CYP27C1: variants seen among roughly 807,000 people sequenced by gnomAD.
The protein encoded by CYP27C1 is cytochrome P450 family 27 subfamily C member 1, also known as cytochrome P450 27C1.
Under a neutral mutation model 40.6 loss-of-function variants are expected in CYP27C1, and 29 were observed. The ratio of observed to expected loss-of-function variants is 0.71; its 90% CI spans 0.53 to 0.97. The LOEUF (loss-of-function observed/expected upper bound fraction) is 0.97, where lower values mean the gene tolerates loss of function less well. CYP27C1 is among the 50% of genes least tolerant of loss of function. The pLI is 0.00. For missense variants in CYP27C1, 390 were observed against 485.8 expected (o/e 0.80, Z 1.85); for synonymous variants, 198 against 186.8 (o/e 1.06, Z -0.49).
intron 8 of CYP27C1, among the ~76,000 whole-genome samples, chr2:127,190,962 T>C (rs1225174637): frequency 1.5e-5 from 2 of 133,590 alleles, no homozygotes; most frequent in Non-Finnish European, 3.1e-5. Context: ...AAAAAAATCA[T>C]GGGCCAGGCA....
At chr2:127,193,664 T>C (rs775973889) in intron 7 of CYP27C1, 125 bp downstream of exon 7, 37 of 1,032,618 alleles carry the variant, frequency 3.6e-5, no homozygotes, top group Non-Finnish European at 5.2e-5. Context: ...CATCTTAAAA[T>C]ACATGCAAAA....
rs151129498 is a variant in CYP27C1, at chr2:127,200,981, A to G, written c.883+141T>C. ...CCGTCTCAAAAAAAAAAAAAATCCA[A>G]AAGTTATGGGTCCAAAAACTAACAC... On this transcript the variant is annotated intron_variant, in intron 4 of 8. Transcript: ENST00000664447. The surrounding 1 kb of genome is among the most constrained non-coding windows in gnomAD (Gnocchi z 4.2). 3.7e-4 allele frequency: 334 copies of G among 896,158 alleles called. 1 individual carries two copies. The African/African-American group carries it at 5.0e-3, about 13-fold the overall frequency. 55.5% of individuals were successfully genotyped at this position (896,158 alleles called of 1,614,324 possible).
Position 127,219,256 on chromosome 2 carries a change from C to T in CYP27C1, c.282+733G>A, listed in dbSNP as rs1002600016. The stretch of plus-strand genomic sequence containing the variant: ...CGGGCCGGCCCCAGGCAGCAGCCCC[C>T]CTCAGCCCCAACTCCGCGGGTCCCG... On this transcript the variant is annotated intron_variant, in intron 1 of 8. Coordinates refer to ENST00000664447, the MANE Select transcript of CYP27C1 (RefSeq NM_001367502.1). The surrounding 1 kb of genome is among the most constrained non-coding windows in gnomAD (Gnocchi z 8.7). Among the ~76,000 whole-genome samples the T allele has an allele frequency of 2.0e-5, 3 of 152,262 alleles. No homozygotes were observed. Among genetic ancestry groups the T allele is most frequent in the South Asian group, 4.1e-4 (2 of 4,822 alleles).
rs938721498 is a variant in CYP27C1 at position 127,185,681 on chromosome 2, G to A, written c.*1590C>T. 2 of 152,088 alleles carry A rather than the reference G, an allele frequency of 1.3e-5. No homozygotes were observed. The highest frequency in any genetic ancestry group is 2.9e-5 in the Non-Finnish European group (2 of 68,024). The allele number at this position is 152,088 out of a possible 1,614,324, so 9.4% of individuals were successfully genotyped here. The stretch of plus-strand genomic sequence containing the variant: ...TTTAACAAAAATGGTATGTGAAATG[G>A]ATATTATGTCTATTTACTTAAGGGT... On this transcript the variant is annotated 3_prime_UTR_variant, in exon 9 of 9. Transcript: ENST00000664447. The surrounding 1 kb of genome is among the most constrained non-coding windows in gnomAD (Gnocchi z 4.9).
In CYP27C1 at chr2:127,193,144, A is replaced by C. The variant is rs1272107016; in HGVS notation, c.1447T>G (p.Cys483Gly). 2 of 1,614,178 alleles carry C rather than the reference A, an allele frequency of 1.2e-6. No individual in the cohort carries two copies. The highest frequency in any genetic ancestry group is 1.7e-6 in the Non-Finnish European group (2 of 1,180,018). ...AGTTCTGCAATTCTCCGCCCTATGC[A>C]GCTGCGAACCCCATGACCAAAGGGG... ...SIPFGHGVRS[C>G]IGRRIAELEI... The change falls in exon 8 of 9, where the codon TGC becomes GGC. Residue 483 changes from cysteine (C) to glycine (G), a missense_variant. Cys to Gly is a radical substitution (Grantham distance 159, BLOSUM62 -3). Coordinates refer to ENST00000664447, the MANE Select transcript of CYP27C1 (RefSeq NM_001367502.1).
chr2:127,211,019 G>A (rs1484365458), intron 1 of CYP27C1, among the ~76,000 whole-genome samples: 7 of 152,184 alleles, frequency 4.6e-5, no homozygotes, highest in African/African-American at 1.7e-4. Context: ...AGTGGACCTA[G>A]TAGATGTCTA....
intron 1 of CYP27C1, among the ~76,000 whole-genome samples, chr2:127,217,474 G>A (rs1035127981): frequency 3.3e-5 from 5 of 152,224 alleles, no homozygotes; most frequent in African/African-American, 1.2e-4. Context: ...ACCCATGAGA[G>A]GAATGGCGAT....
chr2:127,189,172 C>G (rs1485672211), intron 8 of CYP27C1, among the ~76,000 whole-genome samples: 2 of 150,502 alleles, frequency 1.3e-5, no homozygotes, highest in Non-Finnish European at 3.0e-5. Flanking sequence ...AACACTGCCC[C>G]CCCCCTCCGC....
Position 127,187,194 on chromosome 2 carries a change from G to A in CYP27C1, c.*77C>T, listed in dbSNP as rs1418081618. On this transcript the variant is annotated 3_prime_UTR_variant, in exon 9 of 9. Coordinates refer to ENST00000664447, the MANE Select transcript of CYP27C1 (RefSeq NM_001367502.1). ...TAGCGACATCGCTTTCCTTCTCCAC[G>A]GTGATCAGCGAACACAAATACCCAC... is the stretch of plus-strand genomic sequence containing the variant. 8 of 1,114,934 alleles carry A rather than the reference G, an allele frequency of 7.2e-6. No homozygotes were observed. The highest frequency in any genetic ancestry group is 3.0e-5 in the African/African-American group (1 of 33,374). The allele number at this position is 1,114,934 out of a possible 1,614,324, so 69.1% of individuals were successfully genotyped here. A position where few individuals can be genotyped will look rare whatever the true frequency, so the allele number is the denominator to read the frequency against.
intron 8 of CYP27C1, among the ~76,000 whole-genome samples, chr2:127,191,486 G>C (rs551530821): frequency 2.5e-4 from 38 of 152,160 alleles, no homozygotes; most frequent in African/African-American, 9.2e-4. Flanking sequence ...GATGCCCTTC[G>C]GGAGGGTGCA....
intron 2 of CYP27C1, among the ~76,000 whole-genome samples, chr2:127,204,527 AAGAAAGAAAGAGAG>A (rs1304738781): frequency 4.5e-5 from 2 of 44,086 alleles, no homozygotes; most frequent in Non-Finnish European, 8.7e-5. Flanking sequence ...GAAAGAAAGA[AAGAAAGAAAGAGAG>A]AGAGAGAGAG....
rs1283374453 is a variant in CYP27C1, at chr2:127,184,003, C to T, written c.*3268G>A. On this transcript the variant is annotated 3_prime_UTR_variant, in exon 9 of 9. Coordinates refer to ENST00000664447, the MANE Select transcript of CYP27C1 (RefSeq NM_001367502.1). ...TCCCCACCTTCCCACACACACAATA[C>T]CCACCTCCTGCAGCAAGCTGGGTTA... 2 of 152,374 alleles carry T rather than the reference C, an allele frequency of 1.3e-5. No homozygotes were observed. The highest frequency in any genetic ancestry group is 2.9e-5 in the Non-Finnish European group (2 of 68,040). The allele number at this position is 152,374 out of a possible 1,614,324, so 9.4% of individuals were successfully genotyped here.
At chr2:127,214,782 G>GTTTTTTTTTTTTTTTTTTTTT (rs57262340) in intron 1 of CYP27C1, among the ~76,000 whole-genome samples, 1 of 92,378 alleles carries the variant, frequency 1.1e-5, no homozygotes, top group African/African-American at 4.1e-5. Flanking sequence ...TCCGTTTTTT[G>GTTTTTTTTTTTTTTTTTTTTT]TTTTTTTTTT....
At chr2:127,212,821 A>G (rs1683362183) in intron 1 of CYP27C1, among the ~76,000 whole-genome samples, 1 of 152,216 alleles carries the variant, frequency 6.6e-6, no homozygotes, top group Non-Finnish European at 1.5e-5. Flanking sequence ...GGCCAGGGCA[A>G]TCAAACAAGA....
At position 127,205,914 on chromosome 2, in the gene CYP27C1, G is replaced by A. The variant is rs567239357; in HGVS notation, c.459C>T (p.Thr153=). The change falls in exon 2 of 9, where the codon ACC becomes ACT. Residue 153 remains threonine, a synonymous_variant. Coordinates refer to ENST00000664447, the MANE Select transcript of CYP27C1 (RefSeq NM_001367502.1). ...CACATACTCACGCCGAGATGAGCCC[G>A]GTGGCTCTCCCCCGCAAGTCTCGGT... The part of the protein sequence containing the change: ...REYRDLRGRA[T]GLISAEGEQW... 219 of 239,544 alleles carry A rather than the reference G, an allele frequency of 9.1e-4. No individual in the cohort carries two copies. The highest frequency in any genetic ancestry group is 3.6e-4 in the East Asian group (2 of 5,532). The allele number at this position is 239,544 out of a possible 1,614,324, so 14.8% of individuals were successfully genotyped here.
intron 1 of CYP27C1, among the ~76,000 whole-genome samples, chr2:127,207,805 A>G (rs1683261185): frequency 1.3e-5 from 2 of 152,270 alleles, no homozygotes; most frequent in South Asian, 4.1e-4. Flanking sequence ...CATTGTTTAA[A>G]GAAGCCTGAA....
At position 127,204,598 on chromosome 2, in the gene CYP27C1, A is replaced by AAGC. The variant is rs1558931503; in HGVS notation, c.474-1028_474-1027insGCT. Among the ~76,000 whole-genome samples the AAGC allele has an allele frequency of 9.2e-5, 9 of 98,204 alleles. 1 individual carries two copies. The highest frequency in any genetic ancestry group is 4.0e-4 in the African/African-American group (9 of 22,712). The allele number at this position is 98,204 out of a possible 152,430, so 64.4% of individuals were successfully genotyped here. ...GAAAGAAAGAAAGAAAGAAAGAAAG[A>AAGC]AAGAAAGAAAGAAAGAAAGAAAGAA... On this transcript the variant is annotated intron_variant, in intron 2 of 8. Coordinates refer to ENST00000664447, the MANE Select transcript of CYP27C1 (RefSeq NM_001367502.1).
Position 127,203,429 on chromosome 2 carries a change from C to A in CYP27C1, c.616G>T (p.Glu206Ter). Residue 206 changes from glutamate to a stop codon, truncating the protein, a stop_gained, in exon 3 of 9, where the codon GAA becomes TAA. Coordinates refer to ENST00000664447, the MANE Select transcript of CYP27C1 (RefSeq NM_001367502.1). LOFTEE classifies it high-confidence loss of function. ...ACATTGGTCACGGTTTCTCCATCTT[C>A]TGCCTGGCTCCTGAGGAGGTAGATT... ...KRIYLLRSQAEDGETVTNVND... is the reference protein window; with the variant it reads ...KRIYLLRSQA 1 of 1,613,998 alleles carries A rather than the reference C, an allele frequency of 6.2e-7. No homozygotes were observed. Among genetic ancestry groups the A allele is most frequent in the Non-Finnish European group, 8.5e-7 (1 of 1,180,016 alleles).
chr2:127,204,610 AAAGAAAGAAAGAAAG>A lies in CYP27C1; in HGVS notation c.474-1054_474-1040del, dbSNP rs1487275594. On this transcript the variant is annotated intron_variant, in intron 2 of 8. Transcript: ENST00000664447. Reference sequence around the variant, plus strand: ...GAAAGAAAGAAAGAAAGAAAGAAAGAAAGAAAGAAAGAAAGAAGACTGCAGCTTGTTACCAGGGTG... The same window carrying A: ...GAAAGAAAGAAAGAAAGAAAGAAAGAAAGACTGCAGCTTGTTACCAGGGTG... 2.7e-3 allele frequency among the ~76,000 whole-genome samples: 281 copies of A among 102,638 alleles called. 13 individuals carry two copies. Among genetic ancestry groups the A allele is most frequent in the African/African-American group, 5.5e-3 (134 of 24,542 alleles). 67.3% of individuals were successfully genotyped at this position (102,638 alleles called of 152,430 possible). A position where few individuals can be genotyped will look rare whatever the true frequency, so the allele number is the denominator to read the frequency against.
Sources: gnomAD v4.1 joint callset for allele counts (sites outside exome capture counted in the v4.1 genomes callset) on GRCh38, gnomAD v4.1.1 for gene constraint, Gnocchi (gnomAD v3.1) non-coding constraint, MANE v1.5 for transcripts, NCBI Gene and HGNC (gene_info 2026-07-23, HGNC 2026-07-21) for gene names.